The following LTO1 variants were observed in gnomAD, a reference collection of about 807,000 sequenced individuals.
The protein encoded by LTO1 is LTO1 maturation factor of ABCE1.
Under a neutral mutation model 19.8 loss-of-function variants are expected in LTO1, and 18 were observed. The observed-to-expected ratio is 0.91, with a 90% confidence interval of 0.63 to 1.35. LTO1 has a LOEUF of 1.35. LTO1 is among the 40% of genes most tolerant of loss of function. The pLI is 0.00. For synonymous variants in LTO1, 59 were observed against 59.6 expected (o/e 0.99, Z 0.05); for missense variants, 175 against 167.9 (o/e 1.04, Z -0.23).
At chr11:69,669,181 A>C (rs969051793) in intron 3 of LTO1, among the ~76,000 whole-genome samples, 23 of 152,188 alleles carry the variant, frequency 1.5e-4, no homozygotes, top group Non-Finnish European at 1.5e-5. Context: ...ACACATGTGT[A>C]CATCTCGTGG....
At chr11:69,670,132 C>T (rs1015891761) in intron 3 of LTO1, among the ~76,000 whole-genome samples, 12 of 152,148 alleles carry the variant, frequency 7.9e-5, no homozygotes, top group East Asian at 1.9e-4. Context: ...AGGGCGGCTG[C>T]GAGGGGGGTC....
chr11:69,667,517 C>T lies in LTO1; in HGVS notation c.*2G>A, dbSNP rs1590922365. On this transcript the variant is annotated 3_prime_UTR_variant, in exon 5 of 5. Coordinates refer to ENST00000279147, the MANE Select transcript of LTO1 (RefSeq NM_153451.3). ...CGTTCGGTCTCTGTTCATCCATCCT[C>T]CTCAAAATGAAAGTCCGGAACCTTC... 1 of 1,596,118 alleles carries T rather than the reference C, an allele frequency of 6.3e-7. No homozygotes were observed. The highest frequency in any genetic ancestry group is 8.6e-7 in the Non-Finnish European group (1 of 1,163,544).
Position 69,675,165 on chromosome 11 carries a change from G to T in LTO1, c.50+25C>A, listed in dbSNP as rs573875719. On this transcript the variant is annotated intron_variant, in intron 1 of 4. Coordinates refer to ENST00000279147, the MANE Select transcript of LTO1 (RefSeq NM_153451.3). Reference sequence around the variant, plus strand: ...CTGGGAGACGACCAGACAGGGCGGGGTGCGGGCCCGGCCTCACCACCCACC... The same window carrying T: ...CTGGGAGACGACCAGACAGGGCGGGTTGCGGGCCCGGCCTCACCACCCACC... 7.0e-5 allele frequency: 111 copies of T among 1,590,094 alleles called. 1 individual carries two copies. In the South Asian group the frequency reaches 8.0e-4, roughly 11 times the overall value.
chr11:69,672,295 C>T (rs932779848), intron 2 of LTO1: 7 of 166,108 alleles, frequency 4.2e-5, no homozygotes, highest in East Asian at 1.6e-4. Flanking sequence ...TCAGGTGACA[C>T]GGCTCTGGCT....
intron 1 of LTO1, among the ~76,000 whole-genome samples, chr11:69,674,186 C>G (rs1590924918): frequency 6.6e-6 from 1 of 152,188 alleles, no homozygotes. Flanking sequence ...CTAGATAAGT[C>G]TGGTTTGCAG....
chr11:69,674,734 C>T (rs1364790585), intron 1 of LTO1: 2 of 458,616 alleles, frequency 4.4e-6, no homozygotes, highest in East Asian at 6.9e-5. Flanking sequence ...ACAGCTCCCC[C>T]ACTGTCGCAG....
chr11:69,670,718 T>C lies in LTO1; in HGVS notation c.227+1031A>G, dbSNP rs190533392. Among the ~76,000 whole-genome samples, 306 of 152,314 alleles carry C rather than the reference T, an allele frequency of 2.0e-3. 2 individuals are homozygous for C. The highest frequency in any genetic ancestry group is 6.6e-3 in the African/African-American group (273 of 41,568). On this transcript the variant is annotated intron_variant, in intron 3 of 4. Transcript: ENST00000279147. ...CACTCTCCTTGTGCCCCTCCCACGC[T>C]AGGCAAGGCCACCAGGTGTCAGAAT...
chr11:69,670,377 T>C (rs73522773), intron 3 of LTO1, among the ~76,000 whole-genome samples: 3,001 of 152,308 alleles, frequency 0.02, 95 homozygotes, highest in African/African-American at 0.07. Context: ...TTTTGTGGCC[T>C]GGAGTTGAGA....
chr11:69,671,837 A>AT lies in LTO1; in HGVS notation c.157-19dup. ...CACCCGATCTGTGAATGTGAAAAATATTTAAGAGTGAAATTAATAAGCAAC... is the reference window on the plus strand; with the variant it reads ...CACCCGATCTGTGAATGTGAAAAATATTTTAAGAGTGAAATTAATAAGCAAC... On this transcript the variant is annotated intron_variant, in intron 2 of 4. Coordinates refer to ENST00000279147, the MANE Select transcript of LTO1 (RefSeq NM_153451.3). The AT allele has an allele frequency of 6.7e-7, 1 of 1,486,190 alleles. No homozygotes were observed. Among genetic ancestry groups the AT allele is most frequent in the Non-Finnish European group, 9.4e-7 (1 of 1,063,414 alleles). 92.1% of individuals were successfully genotyped at this position (1,486,190 alleles called of 1,614,324 possible). A position where few individuals can be genotyped will look rare whatever the true frequency, so the allele number is the denominator to read the frequency against.
At position 69,667,877 on chromosome 11, in the gene LTO1, AAC is replaced by A. The variant is rs776515440; in HGVS notation, c.345+16_345+17del. ...CAATCAGGTGCTCCTAGCAGGAGGA[AAC>A]ACACAGTGCACGCACCTGTTTAAAT... On this transcript the variant is annotated intron_variant, in intron 4 of 4. Transcript: ENST00000279147. 4.3e-6 allele frequency: 5 copies of A among 1,159,182 alleles called. No individual in the cohort carries two copies. In the African/African-American group the frequency reaches 4.5e-5, roughly 10 times the overall value. 71.8% of individuals were successfully genotyped at this position (1,159,182 alleles called of 1,614,324 possible). A position where few individuals can be genotyped will look rare whatever the true frequency, so the allele number is the denominator to read the frequency against.
chr11:69,674,837 T>G, intron 1 of LTO1: 3 of 536,616 alleles, frequency 5.6e-6, no homozygotes, highest in Non-Finnish European at 1.1e-5. Context: ...TGTCCTATGA[T>G]TAAGGAACCA....
chr11:69,674,153 C>G (rs781586406), intron 1 of LTO1, among the ~76,000 whole-genome samples: 1 of 152,140 alleles, frequency 6.6e-6, no homozygotes, highest in East Asian at 1.9e-4. Flanking sequence ...GCATCTGGCC[C>G]GGAATCTACT....
intron 1 of LTO1, chr11:69,674,861 C>T (rs1056047792): frequency 1.7e-6 from 1 of 605,576 alleles, no homozygotes; most frequent in Non-Finnish European, 3.1e-6. Context: ...AAAAAGGCAG[C>T]TCCCAGATGG....
rs768982316 is a variant in LTO1, at chr11:69,675,252, C to A, written c.-13G>T. On this transcript the variant is annotated 5_prime_UTR_variant, in exon 1 of 5. Coordinates refer to ENST00000279147, the MANE Select transcript of LTO1 (RefSeq NM_153451.3). Reference sequence around the variant, plus strand: ...GACTGCCAGCCATAGCGGCAAGCAGCCCGCCCTTGGCCCCCGGGTTTCTGC... The same window carrying A: ...GACTGCCAGCCATAGCGGCAAGCAGACCGCCCTTGGCCCCCGGGTTTCTGC... The A allele has an allele frequency of 6.7e-7, 1 of 1,490,138 alleles. No homozygotes were observed. The highest frequency in any genetic ancestry group is 8.9e-7 in the Non-Finnish European group (1 of 1,121,518). The allele number at this position is 1,490,138 out of a possible 1,614,324, so 92.3% of individuals were successfully genotyped here.
At chr11:69,673,033 C>T (rs527469706) in intron 2 of LTO1, 183 bp downstream of exon 2, 2 of 658,642 alleles carry the variant, frequency 3.0e-6, no homozygotes, top group African/African-American at 3.6e-5. Context: ...AACTCCTGAC[C>T]TCAAGGCGAT....
intron 2 of LTO1, chr11:69,672,825 T>C (rs1856126118): frequency 6.4e-6 from 2 of 310,676 alleles, no homozygotes; most frequent in African/African-American, 4.3e-5. Flanking sequence ...TTTTTGGAGA[T>C]GGAGTTTCAT....
In LTO1 at chr11:69,672,054, G is replaced by A. The variant is rs952342407; in HGVS notation, c.157-235C>T. The A allele has an allele frequency of 1.8e-5, 9 of 495,908 alleles. No individual in the cohort carries two copies. In the East Asian group the frequency reaches 3.0e-4, roughly 16 times the overall value. The allele number at this position is 495,908 out of a possible 1,614,324, so 30.7% of individuals were successfully genotyped here. A position where few individuals can be genotyped will look rare whatever the true frequency, so the allele number is the denominator to read the frequency against. ...CTCCTGGTACCCATGCCCTGTGCAG[G>A]TCCCTCGACACTCCACCAGGGTGGC... On this transcript the variant is annotated intron_variant, in intron 2 of 4. Coordinates refer to ENST00000279147, the MANE Select transcript of LTO1 (RefSeq NM_153451.3).
intron 2 of LTO1, 148 bp from the exon 3 acceptor site, chr11:69,671,967 TGGAAATTA>T (rs760558022): frequency 3.2e-6 from 2 of 629,072 alleles, no homozygotes. Context: ...CATTAGGCAA[TGGAAATTA>T]GGAAATTAGG....
intron 3 of LTO1, 31 bp from the exon 4 acceptor site, chr11:69,668,043 C>T (rs367902666): frequency 2.7e-5 from 29 of 1,055,978 alleles, no homozygotes; most frequent in Non-Finnish European, 3.9e-5. Flanking sequence ...GACTCTCAGT[C>T]ATGTGCACAC....
Sources: allele counts gnomAD v4.1 joint callset (sites outside exome capture counted in the v4.1 genomes callset), GRCh38; gene constraint gnomAD v4.1.1; transcripts MANE v1.5; gene names NCBI Gene and HGNC (gene_info 2026-07-23, HGNC 2026-07-21).